ATF3: variants seen among roughly 807,000 people sequenced by gnomAD.
The protein encoded by ATF3 is activating transcription factor 3.
A neutral mutation model predicts 18.4 loss-of-function variants in ATF3; 10 were observed. That is an observed-to-expected ratio of 0.54 (90% CI 0.34 to 0.92). The LOEUF (loss-of-function observed/expected upper bound fraction) is 0.92, where lower values mean the gene tolerates loss of function less well. Among genes scored for constraint, ATF3 ranks in the 40% least tolerant of loss-of-function variants. The probability of loss-of-function intolerance (pLI) is 0.02; values close to 1 mark genes in which losing one functional copy is unlikely to be tolerated. For missense variants in ATF3, 183 were observed against 222.3 expected, an observed-to-expected ratio of 0.82 and a Z score of 1.12; for synonymous variants, 78 against 87.9, an observed-to-expected ratio of 0.89 and a Z score of 0.63.
In ATF3 at chr1:212,582,915, C is replaced by T. The variant is rs115987604; in HGVS notation, c.-5+17432C>T. Among the ~76,000 whole-genome samples, 271 of 151,680 alleles carry T rather than the reference C, an allele frequency of 1.8e-3. 1 individual carries two copies. The highest frequency in any genetic ancestry group is 2.8e-3 in the Non-Finnish European group (187 of 67,940). ...AGGCTCAGAGAAGTCAAGCTGTTGC[C>T]GAGTCGCAGAGCCAGTAGCAGAGCT... On this transcript the variant is annotated intron_variant, in intron 1 of 3. Transcript: ENST00000366981.
intron 1 of ATF3, among the ~76,000 whole-genome samples, chr1:212,597,234 C>A (rs979209906): frequency 4.0e-5 from 6 of 151,822 alleles, no homozygotes; most frequent in South Asian, 2.1e-4. Flanking sequence ...TAGGGAATGA[C>A]GACAAGAAAA....
intron 2 of ATF3, among the ~76,000 whole-genome samples, chr1:212,615,493 G>A (rs1027281446): frequency 2.6e-5 from 4 of 152,028 alleles, no homozygotes; most frequent in African/African-American, 4.8e-5. Flanking sequence ...GAGAGAACGG[G>A]TAGGGATGGG....
At chr1:212,597,516 C>G (rs538355605) in intron 1 of ATF3, among the ~76,000 whole-genome samples, 5 of 152,054 alleles carry the variant, frequency 3.3e-5, no homozygotes, top group South Asian at 2.1e-4. Flanking sequence ...TATCTTTTCA[C>G]CCCCTGCCCC....
intron 1 of ATF3, among the ~76,000 whole-genome samples, chr1:212,587,835 C>T (rs1664807433): frequency 6.6e-6 from 1 of 151,454 alleles, no homozygotes; most frequent in Non-Finnish European, 1.5e-5. Flanking sequence ...GACAGGAAGA[C>T]AGATAACAGC....
At chr1:212,597,454 CT>C (rs1356976942) in intron 1 of ATF3, among the ~76,000 whole-genome samples, 144 of 145,454 alleles carry the variant, frequency 9.9e-4, no homozygotes, top group Non-Finnish European at 1.7e-3. Context: ...TATCTATCAT[CT>C]ATCTCTCTAT....
intron 1 of ATF3, among the ~76,000 whole-genome samples, chr1:212,598,954 T>C (rs1654400079): frequency 6.6e-6 from 1 of 152,220 alleles, no homozygotes; most frequent in Non-Finnish European, 1.5e-5. Flanking sequence ...ATATACTCAT[T>C]TCCTTTCTTT....
chr1:212,594,324 G>GTTT (rs1401159277), intron 1 of ATF3, among the ~76,000 whole-genome samples: 2 of 151,702 alleles, frequency 1.3e-5, no homozygotes, highest in Non-Finnish European at 2.9e-5. Flanking sequence ...TTTCTAGCTG[G>GTTT]GATTCATTAT....
chr1:212,607,611 T>G (rs4951626), upstream of ATF3, among the ~76,000 whole-genome samples: 148,845 of 152,380 alleles, frequency 0.98, 72,710 homozygotes, highest in East Asian at 1. Flanking sequence ...CCTGTGGTCA[T>G]TGCGTCCCCA....
chr1:212,568,502 C>T (rs1429733348), intron 1 of ATF3, among the ~76,000 whole-genome samples: 8 of 152,140 alleles, frequency 5.3e-5, no homozygotes, highest in Admixed American at 5.2e-4. Flanking sequence ...TTGTGGACTA[C>T]TTGTATTGAG....
intron 1 of ATF3, among the ~76,000 whole-genome samples, chr1:212,600,933 T>C (rs935293418): frequency 2.6e-5 from 4 of 152,202 alleles, no homozygotes; most frequent in Non-Finnish European, 5.9e-5. Context: ...TTCTGCTTCA[T>C]GTATATTAAT....
At chr1:212,581,135 G>C (rs1159328599) in intron 1 of ATF3, among the ~76,000 whole-genome samples, 5 of 152,342 alleles carry the variant, frequency 3.3e-5, no homozygotes, top group Middle Eastern at 3.4e-3. Flanking sequence ...CAAAACTTTT[G>C]ACTTGGATAT....
chr1:212,579,980 T>TAAAAA (rs776918394), intron 1 of ATF3, among the ~76,000 whole-genome samples: 1 of 130,582 alleles, frequency 7.7e-6, no homozygotes, highest in Non-Finnish European at 1.7e-5. Flanking sequence ...CCGTCTCTAC[T>TAAAAA]AAAAAAAAAA....
chr1:212,603,774 ATATGTGTGTG>A (rs1028639281), upstream of ATF3, among the ~76,000 whole-genome samples: 4 of 81,860 alleles, frequency 4.9e-5, no homozygotes, highest in African/African-American at 2.4e-4. Context: ...GTGTGTATAT[ATATGTGTGTG>A]TGTGTGTGTG....
intron 1 of ATF3, among the ~76,000 whole-genome samples, chr1:212,587,931 C>G (rs779147102): frequency 7.3e-6 from 1 of 137,476 alleles, no homozygotes; most frequent in East Asian, 2.2e-4. Flanking sequence ...GCAGTGCAAG[C>G]GAGGCACCTG....
In ATF3 at chr1:212,615,344, G is replaced by A. The variant is rs1655074556; in HGVS notation, c.240+83G>A. The A allele has an allele frequency of 7.3e-6, 11 of 1,513,530 alleles. No individual in the cohort carries two copies. In the East Asian group the frequency reaches 2.2e-4, roughly 30 times the overall value. The allele number at this position is 1,513,530 out of a possible 1,614,324, so 93.8% of individuals were successfully genotyped here. A position where few individuals can be genotyped will look rare whatever the true frequency, so the allele number is the denominator to read the frequency against. On this transcript the variant is annotated intron_variant, in intron 2 of 3. Coordinates refer to ENST00000341491, the MANE Select transcript of ATF3 (RefSeq NM_001674.4). ...GTGTTGGGCATGTTCTAGGCAGGGG[G>A]CTGTTGTTGAGAGTGAAACAAACAA...
chr1:212,581,513 G>A (rs746198824), intron 1 of ATF3, among the ~76,000 whole-genome samples: 3 of 152,164 alleles, frequency 2.0e-5, no homozygotes, highest in Non-Finnish European at 4.4e-5. Context: ...TGTGTCAATG[G>A]AAGAATGTTT....
At chr1:212,614,903 T>A in intron 1 of ATF3, 115 bp from the exon 2 acceptor site, 2 of 1,587,000 alleles carry the variant, frequency 1.3e-6, no homozygotes, top group Non-Finnish European at 1.7e-6. Flanking sequence ...CCCAAGGGCT[T>A]ATGGGACTTT....
At chr1:212,612,474 C>T (rs542898258) in intron 1 of ATF3, among the ~76,000 whole-genome samples, 12 of 152,288 alleles carry the variant, frequency 7.9e-5, no homozygotes, top group South Asian at 4.1e-4. Context: ...ATGTCATCCC[C>T]GAATCACTGA....
intron 1 of ATF3, among the ~76,000 whole-genome samples, chr1:212,577,593 A>G (rs534572344): frequency 1.5e-5 from 2 of 136,746 alleles, no homozygotes; most frequent in African/African-American, 5.5e-5. Flanking sequence ...CCACGGCCTC[A>G]GCTCTCGGTA....
Sources: gnomAD v4.1 joint callset for allele counts (sites outside exome capture counted in the v4.1 genomes callset) on GRCh38, gnomAD v4.1.1 for gene constraint, MANE v1.5 for transcripts, NCBI Gene and HGNC (gene_info 2026-07-23, HGNC 2026-07-21) for gene names.